AKAP9: variants seen among roughly 807,000 people sequenced by gnomAD.
AKAP9 encodes the protein A-kinase anchor protein 9.
Under a neutral mutation model 488.5 loss-of-function variants are expected in AKAP9, and 311 were observed. The observed-to-expected ratio is 0.64, with a 90% CI of 0.58 to 0.70. The LOEUF is 0.70. AKAP9 is among the 30% of genes least tolerant of loss of function. AKAP9 has a pLI of 0.00. For missense variants in AKAP9, 4,215 were observed against 4,374.5 expected, an observed-to-expected ratio of 0.96 and a Z score of 1.03; for synonymous variants, 1,462 against 1,483.5, an observed-to-expected ratio of 0.99 and a Z score of 0.33.
At chr7:92,047,344 G>C (rs1044809447) in intron 21 of AKAP9, among the ~76,000 whole-genome samples, 1 of 152,012 alleles carries the variant, frequency 6.6e-6, no homozygotes, top group Non-Finnish European at 1.5e-5. Context: ...AGCCTCCCAA[G>C]TAGCTGGGAT....
rs1356089522 is a variant in AKAP9, at chr7:91,992,672, A to AC, written c.406-213_406-212insC. Among the ~76,000 whole-genome samples, 53 of 141,004 alleles carry AC rather than the reference A, an allele frequency of 3.8e-4. 2 individuals are homozygous for AC. Among genetic ancestry groups the AC allele is most frequent in the African/African-American group, 1.3e-3 (47 of 37,296 alleles). The allele number at this position is 141,004 out of a possible 152,430, so 92.5% of individuals were successfully genotyped here. On this transcript the variant is annotated intron_variant, in intron 4 of 49. Coordinates refer to ENST00000356239, the MANE Select transcript of AKAP9 (RefSeq NM_005751.5). Reference sequence around the variant, plus strand: ...GAGCAAGACTCTGTCAAAAAAAAAAAAAAAAAAAAAAAACTCAATTGTAAC... The same window carrying AC: ...GAGCAAGACTCTGTCAAAAAAAAAAACAAAAAAAAAAAAACTCAATTGTAAC...
At chr7:91,975,411 C>A (rs1795536632) in intron 2 of AKAP9, among the ~76,000 whole-genome samples, 1 of 152,122 alleles carries the variant, frequency 6.6e-6, no homozygotes, top group African/African-American at 2.4e-5. Context: ...TATTCATTAT[C>A]CATGTATACA....
At chr7:92,043,629 A>G (rs1396574099) in intron 20 of AKAP9, among the ~76,000 whole-genome samples, 1 of 152,152 alleles carries the variant, frequency 6.6e-6, no homozygotes, top group East Asian at 1.9e-4. Flanking sequence ...GAACAAGTTA[A>G]GGAAATAAAA....
chr7:92,099,965 A>G (rs1053658625), intron 44 of AKAP9, 96 bp downstream of exon 44: 10 of 1,165,398 alleles, frequency 8.6e-6, no homozygotes, highest in Admixed American at 1.7e-5. Context: ...ATGTAAAACT[A>G]TCACACACCT....
At chr7:91,975,188 A>G (rs1270924212) in intron 2 of AKAP9, among the ~76,000 whole-genome samples, 2 of 151,924 alleles carry the variant, frequency 1.3e-5, no homozygotes, top group Non-Finnish European at 2.9e-5. Context: ...AGTTTTTTGT[A>G]GAAATGTGGT....
chr7:92,059,778 T>C (rs898233244), intron 22 of AKAP9, among the ~76,000 whole-genome samples: 5 of 151,870 alleles, frequency 3.3e-5, no homozygotes, highest in Non-Finnish European at 7.4e-5. Context: ...TGTAGTTGTA[T>C]ATAAATTAGT....
In AKAP9 at chr7:92,110,305, T is replaced by C. The variant is rs1156635678; in HGVS notation, c.*146T>C. 4.4e-6 allele frequency: 3 copies of C among 674,496 alleles called. No individual in the cohort carries two copies. The highest frequency in any genetic ancestry group is 7.7e-6 in the Non-Finnish European group (3 of 389,602). 41.8% of individuals were successfully genotyped at this position (674,496 alleles called of 1,614,324 possible). ...TGTATACAAATCCCTTGCCAGCACA[T>C]GAAAACAAACTGGAATTTGTATATA... On this transcript the variant is annotated 3_prime_UTR_variant, in exon 50 of 50. Transcript: ENST00000356239.
At chr7:92,000,540 T>C (rs555855201) in intron 7 of AKAP9, among the ~76,000 whole-genome samples, 1 of 152,284 alleles carries the variant, frequency 6.6e-6, no homozygotes, top group Non-Finnish European at 1.5e-5. Context: ...AAAATGAAAA[T>C]GTAACAGTTT....
chr7:92,061,140 A>G, intron 22 of AKAP9, 120 bp from the exon 23 acceptor site: 1 of 1,163,910 alleles, frequency 8.6e-7, no homozygotes, highest in Non-Finnish European at 1.2e-6. Context: ...TATCTAAATG[A>G]CTACAATTCA....
intron 22 of AKAP9, chr7:92,058,290 G>C (rs921387881): frequency 1.7e-6 from 1 of 583,526 alleles, no homozygotes; most frequent in South Asian, 1.4e-5. Context: ...TTTCCTCTTT[G>C]TGAACATTTG....
intron 18 of AKAP9, chr7:92,041,328 G>A (rs2130782916): frequency 6.3e-6 from 1 of 157,700 alleles, no homozygotes; most frequent in East Asian, 1.9e-4. Context: ...AGTTTTGTGA[G>A]TCCACCAATT....
intron 46 of AKAP9, among the ~76,000 whole-genome samples, chr7:92,103,555 C>T (rs1405985624): frequency 2.6e-5 from 4 of 151,650 alleles, no homozygotes; most frequent in Admixed American, 2.0e-4. Flanking sequence ...ATTAGCCAGG[C>T]GTGGTGGCGG....
intron 3 of AKAP9, among the ~76,000 whole-genome samples, 178 bp downstream of exon 3, chr7:91,980,511 T>TTTTTTTTTTTTTTG: frequency 7.0e-6 from 1 of 142,876 alleles, no homozygotes; most frequent in Non-Finnish European, 1.5e-5. Flanking sequence ...TTTTTTTTTT[T>TTTTTTTTTTTTTTG]TTTTTTTCAG....
intron 36 of AKAP9, among the ~76,000 whole-genome samples, chr7:92,085,969 G>C (rs1814487462): frequency 6.6e-6 from 1 of 152,024 alleles, no homozygotes; most frequent in Admixed American, 6.6e-5. Flanking sequence ...CAGGCGTGGT[G>C]GTGGGTGCCT....
chr7:92,054,675 A>T (rs1808490697), intron 22 of AKAP9, among the ~76,000 whole-genome samples: 1 of 151,932 alleles, frequency 6.6e-6, no homozygotes, highest in African/African-American at 2.4e-5. Flanking sequence ...TAGATATTTG[A>T]TTTGAGGGGT....
intron 14 of AKAP9, among the ~76,000 whole-genome samples, chr7:92,027,210 C>CCA (rs1803373810): frequency 2.2e-5 from 3 of 138,236 alleles, no homozygotes; most frequent in East Asian, 2.3e-4. Context: ...GCCCGGCTGC[C>CCA]GCGTCTGGGA....
chr7:92,099,581 A>T, intron 43 of AKAP9, 106 bp from the exon 44 acceptor site: 1 of 1,096,998 alleles, frequency 9.1e-7, no homozygotes, highest in Non-Finnish European at 1.4e-6. Flanking sequence ...ACTCAACTCA[A>T]GCACCAATTC....
intron 45 of AKAP9, 118 bp from the exon 46 acceptor site, chr7:92,102,475 CT>C: frequency 1.4e-6 from 1 of 713,506 alleles, no homozygotes; most frequent in African/African-American, 1.8e-5. Context: ...ACTACTACTA[CT>C]ACTACTACTA....
chr7:91,965,109 C>T (rs1481372924), intron 1 of AKAP9, among the ~76,000 whole-genome samples: 2 of 151,974 alleles, frequency 1.3e-5, no homozygotes, highest in Non-Finnish European at 2.9e-5. Context: ...CTATAGTCAC[C>T]CTACCAATCT....
Sources: gnomAD v4.1 joint callset for allele counts (sites outside exome capture counted in the v4.1 genomes callset) on GRCh38, gnomAD v4.1.1 for gene constraint, MANE v1.5 for transcripts, NCBI Gene and HGNC (gene_info 2026-07-23, HGNC 2026-07-21) for gene names.